ALCAM: variants seen among roughly 807,000 people sequenced by gnomAD.
The protein encoded by ALCAM is activated leukocyte cell adhesion molecule.
Under a neutral mutation model 70.9 loss-of-function variants are expected in ALCAM, and 30 were observed. That is an observed-to-expected ratio of 0.42 (90% CI 0.32 to 0.57). The LOEUF (loss-of-function observed/expected upper bound fraction) is 0.57. Ranked by LOEUF, ALCAM falls within the 20% of genes least tolerant of loss-of-function variation. The pLI, the probability that ALCAM is intolerant of heterozygous loss-of-function variation, is 0.11. For missense variants in ALCAM, 591 were observed against 695.1 expected (o/e 0.85, Z 1.68); for synonymous variants, 249 against 242.5 (o/e 1.03, Z -0.25).
intron 1 of ALCAM, among the ~76,000 whole-genome samples, chr3:105,395,358 T>C (rs1339302223): frequency 3.3e-5 from 5 of 152,116 alleles, no homozygotes; most frequent in Admixed American, 1.3e-4. Context: ...CAAGAGTTTT[T>C]TGTCCTTGGA....
chr3:105,391,161 C>T (rs576485593), intron 1 of ALCAM, among the ~76,000 whole-genome samples: 8 of 152,148 alleles, frequency 5.3e-5, no homozygotes, highest in African/African-American at 1.9e-4. Context: ...ATGGTAATAG[C>T]ATTGAATCTA....
chr3:105,422,635 T>C (rs1244793564), intron 1 of ALCAM, among the ~76,000 whole-genome samples: 1 of 151,496 alleles, frequency 6.6e-6, no homozygotes, highest in African/African-American at 2.4e-5. Context: ...GTTGTCATTA[T>C]GGTACAGTAT....
At chr3:105,408,849 A>G (rs1264691260) in intron 1 of ALCAM, among the ~76,000 whole-genome samples, 1 of 151,220 alleles carries the variant, frequency 6.6e-6, no homozygotes, top group Admixed American at 6.6e-5. Flanking sequence ...CAAATAAATC[A>G]GCAAGAAAAA....
Position 105,367,326 on chromosome 3 carries a change from C to T in ALCAM, c.-83C>T. On this transcript the variant is annotated 5_prime_UTR_variant, in exon 1 of 16. Coordinates refer to ENST00000306107, the MANE Select transcript of ALCAM (RefSeq NM_001627.4). ...CTGCCCCTGCGTCGGGACCCGCCAG[C>T]GCGCGGGCACCGCGGGGCCCGGGAC... The T allele has an allele frequency of 2.8e-6, 4 of 1,451,128 alleles. No homozygotes were observed. Among genetic ancestry groups the T allele is most frequent in the East Asian group, 2.3e-5 (1 of 43,416 alleles). 89.9% of individuals were successfully genotyped at this position (1,451,128 alleles called of 1,614,324 possible).
intron 6 of ALCAM, among the ~76,000 whole-genome samples, chr3:105,537,241 C>T (rs529043687): frequency 3.9e-5 from 6 of 152,208 alleles, no homozygotes; most frequent in African/African-American, 9.6e-5. Flanking sequence ...ACACTGCCTA[C>T]GTTTATGCCA....
chr3:105,434,636 A>G (rs1937011082), intron 1 of ALCAM, among the ~76,000 whole-genome samples: 2 of 152,048 alleles, frequency 1.3e-5, no homozygotes, highest in African/African-American at 4.8e-5. Context: ...TCTTACTGGT[A>G]AGTAGGGATA....
At chr3:105,383,339 A>G (rs950629871) in intron 1 of ALCAM, among the ~76,000 whole-genome samples, 1 of 151,780 alleles carries the variant, frequency 6.6e-6, no homozygotes, top group South Asian at 2.1e-4. Flanking sequence ...TACATGGTAC[A>G]TTTTCGGTAC....
intron 1 of ALCAM, among the ~76,000 whole-genome samples, chr3:105,420,525 T>G (rs1364694673): frequency 3.3e-5 from 5 of 151,732 alleles, no homozygotes; most frequent in Non-Finnish European, 5.9e-5. Flanking sequence ...ATGAGATTAT[T>G]TGGAATTATA....
intron 1 of ALCAM, among the ~76,000 whole-genome samples, chr3:105,426,545 A>G (rs1936795229): frequency 6.6e-6 from 1 of 151,926 alleles, no homozygotes; most frequent in South Asian, 2.1e-4. Context: ...AATATGGAAT[A>G]CATTATTGTA....
At chr3:105,466,749 T>C (rs555159591) in intron 1 of ALCAM, among the ~76,000 whole-genome samples, 3 of 151,530 alleles carry the variant, frequency 2.0e-5, no homozygotes, top group African/African-American at 7.2e-5. Context: ...CTATATCCAG[T>C]TCAAATGAGC....
intron 1 of ALCAM, among the ~76,000 whole-genome samples, chr3:105,481,739 T>C (rs1348986821): frequency 6.6e-6 from 1 of 152,140 alleles, no homozygotes; most frequent in African/African-American, 2.4e-5. Flanking sequence ...GAATCAGAGG[T>C]TTTCTTTTTT....
chr3:105,555,746 A>G (rs1312179052), intron 14 of ALCAM, among the ~76,000 whole-genome samples: 1 of 151,942 alleles, frequency 6.6e-6, no homozygotes, highest in Non-Finnish European at 1.5e-5. Flanking sequence ...TTTTTATTAT[A>G]ATTTTCAAAA....
At chr3:105,397,879 A>G (rs1169206262) in intron 1 of ALCAM, among the ~76,000 whole-genome samples, 1 of 152,098 alleles carries the variant, frequency 6.6e-6, no homozygotes, top group Admixed American at 6.6e-5. Flanking sequence ...CCACTTTTTA[A>G]TAAAAGCTTT....
chr3:105,540,094 T>G lies in ALCAM; in HGVS notation c.850T>G (p.Tyr284Asp). 3 of 1,611,514 alleles carry G rather than the reference T, an allele frequency of 1.9e-6. No homozygotes were observed. Among genetic ancestry groups the G allele is most frequent in the Non-Finnish European group, 2.5e-6 (3 of 1,178,158 alleles). The change falls in exon 7 of 16, where the codon TAC (tyrosine) becomes GAC (aspartate). Residue 284 changes from tyrosine to aspartate, a missense_variant. Transcript: ENST00000306107. ...GNPPPEEFLF[Y>D]LPGQPEGIRS... ...CCCTCCCCCAGAGGAATTTTTGTTT[T>G]ACTTACCAGTAAGTGCTTAAGTATT...
chr3:105,536,587 A>G (rs1423458262), intron 6 of ALCAM, among the ~76,000 whole-genome samples: 1 of 152,174 alleles, frequency 6.6e-6, no homozygotes, highest in Non-Finnish European at 1.5e-5. Flanking sequence ...GATACGAAGA[A>G]AATGATTTTA....
At chr3:105,434,163 T>C (rs1201249113) in intron 1 of ALCAM, among the ~76,000 whole-genome samples, 1 of 152,174 alleles carries the variant, frequency 6.6e-6, no homozygotes, top group Non-Finnish European at 1.5e-5. Context: ...TTTAAATTAT[T>C]TGGTATTTAT....
intron 1 of ALCAM, among the ~76,000 whole-genome samples, chr3:105,470,743 A>G (rs2152603032): frequency 6.6e-6 from 1 of 151,406 alleles, no homozygotes; most frequent in South Asian, 2.1e-4. Context: ...ATTGATATTT[A>G]TAATGATGAT....
At chr3:105,524,559 C>T (rs759505003) in intron 3 of ALCAM, 51 bp downstream of exon 3, 32 of 1,606,674 alleles carry the variant, frequency 2.0e-5, no homozygotes, top group South Asian at 1.9e-4. Flanking sequence ...TGGCCAGTAC[C>T]AGACCATGTT....
chr3:105,486,985 C>T (rs907429800), intron 1 of ALCAM, among the ~76,000 whole-genome samples: 37 of 49,166 alleles, frequency 7.5e-4, no homozygotes, highest in South Asian at 4.4e-3. Context: ...TTTATTTAGA[C>T]GCTTTGCTAG....
Sources: gnomAD v4.1 joint callset for allele counts (sites outside exome capture counted in the v4.1 genomes callset) on GRCh38, gnomAD v4.1.1 for gene constraint, MANE v1.5 for transcripts, NCBI Gene and HGNC (gene_info 2026-07-23, HGNC 2026-07-21) for gene names.